Variants in PXN observed in about 807,000 individuals in gnomAD.
PXN encodes the protein testicular tissue protein Li 134.
In PXN, 61 loss-of-function variants were observed where a neutral mutation model predicts 103.6. That is an observed-to-expected ratio of 0.59 (90% CI 0.48 to 0.73). The LOEUF (loss-of-function observed/expected upper bound fraction) is 0.73, where lower values mean the gene tolerates loss of function less well. Among genes scored for constraint, PXN ranks in the 30% least tolerant of loss-of-function variants. The pLI, the probability that PXN is intolerant of heterozygous loss-of-function variation, is 0.00. For missense variants in PXN, 1,274 were observed against 1,460.3 expected (o/e 0.87, Z 2.08); for synonymous variants, 562 against 607.8 (o/e 0.92, Z 1.11).
chr12:120,219,800 C>A lies in PXN; in HGVS notation c.1123G>T (p.Val375Leu). Reference protein sequence around the residue: ...SPSVEGSLWAVGTESQGRDWR... With the variant: ...SPSVEGSLWALGTESQGRDWR... Reference sequence around the variant, plus strand: ...TCTCGACCCTGACTCTCTGTGCCCACTGCCCACAGAGAACCCTCCACAGAG... The same window carrying A: ...TCTCGACCCTGACTCTCTGTGCCCAATGCCCACAGAGAACCCTCCACAGAG... The change falls in exon 7 of 15, where the codon GTG becomes TTG. Residue 375 changes from valine (V) to leucine (L), a missense_variant. Physicochemically the swap from Val to Leu is conservative, Grantham distance 32 (BLOSUM62 1). Coordinates refer to ENST00000637617, the MANE Select transcript of PXN (RefSeq NM_001385981.1). This position sits in a 1 kb window ranked among gnomAD's most constrained non-coding sequence, Gnocchi z 6.5. 3.8e-6 allele frequency: 6 copies of A among 1,598,380 alleles called. No individual in the cohort carries two copies. Among genetic ancestry groups the A allele is most frequent in the Non-Finnish European group, 5.1e-6 (6 of 1,179,766 alleles).
chr12:120,265,512 G>A lies in PXN; in HGVS notation c.13+105C>T, dbSNP rs1894570484. 35 of 1,307,910 alleles carry A rather than the reference G, an allele frequency of 2.7e-5. No individual in the cohort carries two copies. The South Asian group carries it at 4.5e-4, about 17-fold the overall frequency. The allele number at this position is 1,307,910 out of a possible 1,614,324, so 81.0% of individuals were successfully genotyped here. On this transcript the variant is annotated intron_variant, in intron 1 of 14. Transcript: ENST00000637617. The surrounding 1 kb of genome is among the most constrained non-coding windows in gnomAD (Gnocchi z 5.7). ...GGCAGGGACAGGAGCTGAGGCCGGGGCCGCCGAGGGTGGGATCCCGCGGCC... is the reference window on the plus strand; with the variant it reads ...GGCAGGGACAGGAGCTGAGGCCGGGACCGCCGAGGGTGGGATCCCGCGGCC...
rs761141445 is a variant in PXN at position 120,222,604 on chromosome 12, G to A, written c.640C>T (p.Arg214Trp). The part of the protein sequence containing the change: ...RNGGRGLEDV[R>W]PSVESLLDEL... ...TCCAAGAGACTCTCCACACTGGGCC[G>A]CACGTCCTCCAGGCCCCGGCCCCCA... The change falls in exon 5 of 15, where the codon CGG (arginine) becomes TGG (tryptophan). Residue 214 changes from arginine (R) to tryptophan (W), a missense_variant. Physicochemically the swap from Arg to Trp is moderately radical, Grantham distance 101 (BLOSUM62 -3). Coordinates refer to ENST00000637617, the MANE Select transcript of PXN (RefSeq NM_001385981.1). This position sits in a 1 kb window ranked among gnomAD's most constrained non-coding sequence, Gnocchi z 4.7. The A allele has an allele frequency of 2.3e-5, 37 of 1,608,646 alleles. No homozygotes were observed. Among genetic ancestry groups the A allele is most frequent in the Admixed American group, 1.5e-4 (9 of 59,328 alleles).
Position 120,230,868 on chromosome 12 carries a change from C to T in PXN, c.14-6491G>A, listed in dbSNP as rs559119741. 3.3e-5 allele frequency among the ~76,000 whole-genome samples: 5 copies of T among 152,294 alleles called. No homozygotes were observed. The South Asian group carries it at 1.0e-3, about 32-fold the overall frequency. On this transcript the variant is annotated intron_variant, in intron 1 of 14. Transcript: ENST00000637617. Reference sequence around the variant, plus strand: ...CAGGGACCTAGGGCCTGGACACTGACTAGGAACTCAGTCTCCTTGAGGGGC... The same window carrying T: ...CAGGGACCTAGGGCCTGGACACTGATTAGGAACTCAGTCTCCTTGAGGGGC...
At chr12:120,260,436 G>A (rs1378185822) in intron 1 of PXN, among the ~76,000 whole-genome samples, 2 of 151,178 alleles carry the variant, frequency 1.3e-5, no homozygotes, top group African/African-American at 2.4e-5. Context: ...CTGGGAGGTG[G>A]AGGTTGTGGT....
At chr12:120,236,429 TC>T (rs1225328434) in intron 1 of PXN, among the ~76,000 whole-genome samples, 2 of 150,626 alleles carry the variant, frequency 1.3e-5, no homozygotes, top group African/African-American at 4.9e-5. Flanking sequence ...CACCTCAGCC[TC>T]ATGAATAGCT....
intron 1 of PXN, among the ~76,000 whole-genome samples, chr12:120,252,010 G>C (rs756359842): frequency 9.9e-5 from 15 of 152,166 alleles, no homozygotes; most frequent in Non-Finnish European, 1.8e-4. Context: ...CCAAGGCTCA[G>C]AGTGTAAAGT....
Position 120,265,489 on chromosome 12 carries a change from C to T in PXN, c.13+128G>A. 1 of 1,104,062 alleles carries T rather than the reference C, an allele frequency of 9.1e-7. No homozygotes were observed. Among genetic ancestry groups the T allele is most frequent in the Non-Finnish European group, 1.2e-6 (1 of 836,066 alleles). 68.4% of individuals were successfully genotyped at this position (1,104,062 alleles called of 1,614,324 possible). ...CCCAGCCCCGCGGAGCCCCGGCCGG[C>T]AGGGACAGGAGCTGAGGCCGGGGCC... On this transcript the variant is annotated intron_variant, in intron 1 of 14. Coordinates refer to ENST00000637617, the MANE Select transcript of PXN (RefSeq NM_001385981.1). The surrounding 1 kb of genome is among the most constrained non-coding windows in gnomAD (Gnocchi z 5.7).
intron 1 of PXN, among the ~76,000 whole-genome samples, chr12:120,259,566 G>A (rs1893542893): frequency 6.6e-6 from 1 of 152,156 alleles, no homozygotes; most frequent in African/African-American, 2.4e-5. Flanking sequence ...GGCCACTGGG[G>A]TTCCACTGGG....
chr12:120,216,837 C>T lies in PXN; in HGVS notation c.1992+4G>A. On this transcript the variant is annotated splice_donor_region_variant and intron_variant, in intron 8 of 14. Transcript: ENST00000637617. This position sits in a 1 kb window ranked among gnomAD's most constrained non-coding sequence, Gnocchi z 5.1. ...AGCCCCAGCCATGGGCATCTCCTCGCCACCTTCTCTACGAGCTGCCCCCCG... is the reference window on the plus strand; with the variant it reads ...AGCCCCAGCCATGGGCATCTCCTCGTCACCTTCTCTACGAGCTGCCCCCCG... 6.5e-7 allele frequency: 1 copy of T among 1,538,158 alleles called. No homozygotes were observed. The highest frequency in any genetic ancestry group is 8.7e-7 in the Non-Finnish European group (1 of 1,154,254).
In PXN at chr12:120,212,070, G is replaced by C. The variant is rs1880346553; in HGVS notation, c.*244C>G. On this transcript the variant is annotated 3_prime_UTR_variant, in exon 15 of 15. Transcript: ENST00000637617. The surrounding 1 kb of genome is among the most constrained non-coding windows in gnomAD (Gnocchi z 7.2). ...GTGGAGCCCCCAGCCTCTACCCCTG[G>C]GGAGGATGGAGAGTGGGCAGCCTAG... The C allele has an allele frequency of 1.4e-6, 1 of 733,040 alleles. No individual in the cohort carries two copies. The highest frequency in any genetic ancestry group is 2.5e-6 in the Non-Finnish European group (1 of 401,378). 45.4% of individuals were successfully genotyped at this position (733,040 alleles called of 1,614,324 possible).
intron 1 of PXN, among the ~76,000 whole-genome samples, chr12:120,255,177 C>G (rs73219305): frequency 6.6e-6 from 1 of 152,070 alleles, no homozygotes; most frequent in Non-Finnish European, 1.5e-5. Flanking sequence ...ATTAACTGAC[C>G]GAGGTGCATA....
rs529657632 is a variant in PXN at position 120,215,052 on chromosome 12, C to G, written c.2574+51G>C. ...GCCAAGGCCAGCCCCGGAGCACCCC[C>G]ACCCCTGCAGGAGTCCACTGGCCAC... On this transcript the variant is annotated intron_variant, in intron 11 of 14. Coordinates refer to ENST00000637617, the MANE Select transcript of PXN (RefSeq NM_001385981.1). This position sits in a 1 kb window ranked among gnomAD's most constrained non-coding sequence, Gnocchi z 4.9. 6.2e-6 allele frequency: 10 copies of G among 1,601,434 alleles called. 1 individual carries two copies. The South Asian group carries it at 1.1e-4, about 18-fold the overall frequency.
chr12:120,223,263 G>A (rs1594401748), intron 3 of PXN, among the ~76,000 whole-genome samples: 1 of 151,988 alleles, frequency 6.6e-6, no homozygotes, highest in Non-Finnish European at 1.5e-5. Flanking sequence ...CTAACACGGT[G>A]AAACCCCGTC....
At chr12:120,248,715 C>G (rs1891639813) in intron 1 of PXN, 1 of 152,218 alleles carries the variant, frequency 6.6e-6, no homozygotes, top group Admixed American at 6.6e-5. Flanking sequence ...AAGTTGCTCA[C>G]CTCTCTGTGC....
intron 1 of PXN, among the ~76,000 whole-genome samples, chr12:120,250,976 A>G (rs1377461749): frequency 2.0e-5 from 3 of 151,606 alleles, no homozygotes; most frequent in Admixed American, 6.6e-5. Flanking sequence ...GGCCGAGGTG[A>G]GCAGATCACT....
chr12:120,226,219 C>T (rs1326819607), intron 1 of PXN: 3 of 1,261,738 alleles, frequency 2.4e-6, no homozygotes, highest in African/African-American at 1.5e-5. Context: ...GTGGATCCCT[C>T]TTTCTCCACC....
Position 120,214,002 on chromosome 12 carries a change from G to A in PXN, c.2831-12C>T, listed in dbSNP as rs759093168. ...CTTCTCGTGGAACCCTGGGGAGCGG[G>A]GGTTTTGGAGGCACAGTTCATTCCG... On this transcript the variant is annotated splice_polypyrimidine_tract_variant and intron_variant, in intron 13 of 14. Transcript: ENST00000637617. The surrounding 1 kb of genome is among the most constrained non-coding windows in gnomAD (Gnocchi z 5.0). The A allele has an allele frequency of 9.3e-6, 15 of 1,610,478 alleles. No individual in the cohort carries two copies. Among genetic ancestry groups the A allele is most frequent in the African/African-American group, 1.3e-5 (1 of 74,860 alleles).
Position 120,223,709 on chromosome 12 carries a change from G to T in PXN, c.356+9C>A. Reference sequence around the variant, plus strand: ...GAGGGAAGGTGCCCTGGGCAGACTGGGGCAGTACCTGTAGACGTGCTCCTC... The same window carrying T: ...GAGGGAAGGTGCCCTGGGCAGACTGTGGCAGTACCTGTAGACGTGCTCCTC... On this transcript the variant is annotated intron_variant, in intron 3 of 14. Transcript: ENST00000637617. 2 of 1,561,568 alleles carry T rather than the reference G, an allele frequency of 1.3e-6. No individual in the cohort carries two copies. The highest frequency in any genetic ancestry group is 2.3e-5 in the East Asian group (1 of 42,590).
chr12:120,223,412 C>T (rs931130064), intron 3 of PXN, among the ~76,000 whole-genome samples: 1 of 149,720 alleles, frequency 6.7e-6, no homozygotes, highest in Non-Finnish European at 1.5e-5. Context: ...CCAGCCTGGG[C>T]GACAGAGTGA....
Sources: gnomAD v4.1 joint callset for allele counts (sites outside exome capture counted in the v4.1 genomes callset) on GRCh38, gnomAD v4.1.1 for gene constraint, Gnocchi (gnomAD v3.1) non-coding constraint, MANE v1.5 for transcripts, NCBI Gene and HGNC (gene_info 2026-07-23, HGNC 2026-07-21) for gene names.